DNAH14: variants seen among roughly 807,000 people sequenced by gnomAD.
The protein encoded by DNAH14 is dynein axonemal heavy chain 14.
DNAH14 carries 478 observed loss-of-function variants against 520.9 expected under a neutral mutation model. The observed-to-expected ratio is 0.92, with a 90% CI of 0.85 to 0.99. The LOEUF is 0.99. Among genes scored for constraint, DNAH14 ranks in the 50% least tolerant of loss-of-function variants. The pLI is 0.00. For synonymous variants in DNAH14, 1,581 were observed against 1,757.2 expected, an observed-to-expected ratio of 0.90 and a Z score of 2.51; for missense variants, 4,831 against 5,234.5, an observed-to-expected ratio of 0.92 and a Z score of 2.38.
intron 27 of DNAH14, among the ~76,000 whole-genome samples, chr1:225,139,737 C>T (rs2079260896): frequency 6.6e-6 from 1 of 152,190 alleles, no homozygotes; most frequent in South Asian, 2.1e-4. Flanking sequence ...GAGGGGTCTC[C>T]ACCTGTTGGA....
At chr1:224,989,359 C>A (rs376661733) in intron 8 of DNAH14, among the ~76,000 whole-genome samples, 1 of 152,248 alleles carries the variant, frequency 6.6e-6, no homozygotes, top group East Asian at 1.9e-4. Flanking sequence ...ATTTAATTTA[C>A]ATGTTCATGC....
At chr1:225,300,282 A>C (rs1375284511) in intron 55 of DNAH14, among the ~76,000 whole-genome samples, 1 of 152,146 alleles carries the variant, frequency 6.6e-6, no homozygotes, top group African/African-American at 2.4e-5. Flanking sequence ...CCACTCCTCC[A>C]TACCTCTTTT....
At chr1:225,024,217 A>T (rs1268024719) in intron 11 of DNAH14, 2 of 988,984 alleles carry the variant, frequency 2.0e-6, no homozygotes, top group East Asian at 1.1e-4. Context: ...GTGCCTAAGT[A>T]TACTCTGTCT....
At chr1:225,190,743 GCA>G (rs2149344237) in intron 37 of DNAH14, among the ~76,000 whole-genome samples, 1 of 152,126 alleles carries the variant, frequency 6.6e-6, no homozygotes, top group Non-Finnish European at 1.5e-5. Context: ...CAGTGAGAAG[GCA>G]GTTATCAGCA....
At position 224,955,006 on chromosome 1, in the gene DNAH14, A is replaced by G; in HGVS notation, c.125A>G (p.Glu42Gly). The G allele has an allele frequency of 1.2e-6, 2 of 1,609,268 alleles. No homozygotes were observed. Among genetic ancestry groups the G allele is most frequent in the Admixed American group, 1.7e-5 (1 of 59,906 alleles). ...AAATATGAAGATGTGAAACCATTAG[A>G]GACTCAACCAGCTGAAATAGCAGAA... The part of the protein sequence containing the change: ...EKKYEDVKPL[E>G]TQPAEIAEKE... The change falls in exon 3 of 86, where the codon GAG becomes GGG. Residue 42 changes from glutamate to glycine, a missense_variant. Glu to Gly is a moderately conservative substitution (Grantham distance 98). Coordinates refer to ENST00000682510, the MANE Select transcript of DNAH14 (RefSeq NM_001367479.1).
intron 64 of DNAH14, among the ~76,000 whole-genome samples, chr1:225,329,907 C>A (rs544298415): frequency 1.3e-5 from 2 of 152,136 alleles, no homozygotes; most frequent in South Asian, 4.2e-4. Context: ...ACCCATCTGA[C>A]AAGGGATGAA....
chr1:225,174,372 T>C (rs891378822), intron 36 of DNAH14, among the ~76,000 whole-genome samples: 1 of 152,210 alleles, frequency 6.6e-6, no homozygotes, highest in Non-Finnish European at 1.5e-5. Flanking sequence ...AAGTGTTTTA[T>C]AGATGATGAT....
chr1:225,347,223 A>G (rs1308860140), intron 71 of DNAH14, among the ~76,000 whole-genome samples: 1 of 152,210 alleles, frequency 6.6e-6, no homozygotes, highest in East Asian at 1.9e-4. Context: ...CTAGGATGCT[A>G]TAGGCTCCCT....
At chr1:224,945,914 C>T (rs1213532324) in intron 1 of DNAH14, among the ~76,000 whole-genome samples, 1 of 152,292 alleles carries the variant, frequency 6.6e-6, no homozygotes, top group Non-Finnish European at 1.5e-5. Context: ...GGGCTGCCTC[C>T]CAGTTAGGCT....
chr1:225,073,686 T>C (rs1368182661), intron 17 of DNAH14, among the ~76,000 whole-genome samples: 1 of 152,052 alleles, frequency 6.6e-6, no homozygotes, highest in Non-Finnish European at 1.5e-5. Context: ...TGTTTGTTTT[T>C]GTTTTTGTTT....
intron 8 of DNAH14, among the ~76,000 whole-genome samples, chr1:224,992,358 T>G (rs2063118225): frequency 6.6e-6 from 1 of 152,204 alleles, no homozygotes; most frequent in Non-Finnish European, 1.5e-5. Flanking sequence ...ACATAGGATA[T>G]TTTATCATGT....
intron 8 of DNAH14, among the ~76,000 whole-genome samples, chr1:224,975,028 T>A (rs1202395652): frequency 6.6e-6 from 1 of 152,132 alleles, no homozygotes; most frequent in Non-Finnish European, 1.5e-5. Flanking sequence ...TGGATTACAT[T>A]TATTGATTTG....
chr1:225,346,357 A>G lies in DNAH14; in HGVS notation c.11074A>G (p.Met3692Val), dbSNP rs200671919. Residue 3692 changes from methionine to valine, a missense_variant, in exon 70 of 86, where the codon ATG becomes GTG. Met to Val is a conservative substitution (Grantham distance 21, BLOSUM62 1). Transcript: ENST00000682510. Reference sequence around the variant, plus strand: ...TAAGCATATTAAAAGTGCAATAGACATGTTGACAAAAAGTATTTTTAAGGT... The same window carrying G: ...TAAGCATATTAAAAGTGCAATAGACGTGTTGACAAAAAGTATTTTTAAGGT... ...LDKHIKSAIDMLTKSIFKVVS... is the reference protein window; with the variant it reads ...LDKHIKSAIDVLTKSIFKVVS... 1 of 1,525,450 alleles carries G rather than the reference A, an allele frequency of 6.6e-7. No homozygotes were observed. The highest frequency in any genetic ancestry group is 2.5e-5 in the East Asian group (1 of 40,758). The allele number at this position is 1,525,450 out of a possible 1,614,324, so 94.5% of individuals were successfully genotyped here. A position where few individuals can be genotyped will look rare whatever the true frequency, so the allele number is the denominator to read the frequency against.
Position 224,949,970 on chromosome 1 carries a change from G to A in DNAH14, c.-33-2700G>A, listed in dbSNP as rs551989990. ...TTATACTTTTTAATAATATATTTAC[G>A]CTTCTGTTATTTTATCAGCCTTAAC... On this transcript the variant is annotated intron_variant, in intron 1 of 85. Coordinates refer to ENST00000682510, the MANE Select transcript of DNAH14 (RefSeq NM_001367479.1). Among the ~76,000 whole-genome samples the A allele has an allele frequency of 1.4e-3, 213 of 151,652 alleles. 1 individual carries two copies. Among genetic ancestry groups the A allele is most frequent in the African/African-American group, 4.8e-3 (197 of 41,340 alleles).
chr1:225,207,491 C>T (rs79199070), intron 41 of DNAH14, among the ~76,000 whole-genome samples: 7,422 of 152,038 alleles, frequency 0.049, 283 homozygotes, highest in Non-Finnish European at 0.072. Flanking sequence ...AATGTTTTCG[C>T]GTATTTTAAA....
chr1:225,184,785 A>AAAAG (rs2084480349), intron 36 of DNAH14, among the ~76,000 whole-genome samples: 1 of 152,016 alleles, frequency 6.6e-6, no homozygotes, highest in African/African-American at 2.4e-5. Context: ...GAAAGAAAGA[A>AAAAG]AAATAAAGAA....
At position 225,119,200 on chromosome 1, in the gene DNAH14, A is replaced by G. The variant is rs2077106122; in HGVS notation, c.4092-20A>G. ...TTAAAAAATAATTCTTCATGATATT[A>G]TTTTTGAAACTAATTTTAGGAAAAT... On this transcript the variant is annotated intron_variant, in intron 25 of 85. Transcript: ENST00000682510. 2 of 1,486,146 alleles carry G rather than the reference A, an allele frequency of 1.3e-6. No individual in the cohort carries two copies. The highest frequency in any genetic ancestry group is 1.8e-6 in the Non-Finnish European group (2 of 1,110,414). 92.1% of individuals were successfully genotyped at this position (1,486,146 alleles called of 1,614,324 possible).
intron 49 of DNAH14, among the ~76,000 whole-genome samples, chr1:225,267,598 T>C (rs16844602): frequency 0.12 from 18,030 of 152,146 alleles, 1,225 homozygotes; most frequent in East Asian, 0.31. Flanking sequence ...CCAGAATGGC[T>C]TACTTTTTAA....
At chr1:225,119,372 T>TA in intron 26 of DNAH14, 78 bp downstream of exon 26, 1 of 993,160 alleles carries the variant, frequency 1.0e-6, no homozygotes. Flanking sequence ...ACACATTTTT[T>TA]AAAACTCACT....
Sources: gnomAD v4.1 joint callset for allele counts (sites outside exome capture counted in the v4.1 genomes callset) on GRCh38, gnomAD v4.1.1 for gene constraint, MANE v1.5 for transcripts, NCBI Gene and HGNC (gene_info 2026-07-23, HGNC 2026-07-21) for gene names.